The following ARID4B variants were observed in gnomAD, a reference collection of about 807,000 sequenced individuals.
ARID4B encodes the protein AT-rich interaction domain 4B.
In ARID4B, 26 loss-of-function variants were observed where a neutral mutation model predicts 147.5. That is an observed-to-expected ratio of 0.18 (90% CI 0.13 to 0.24). The LOEUF (loss-of-function observed/expected upper bound fraction) is 0.24, where lower values mean the gene tolerates loss of function less well. Among genes scored for constraint, ARID4B ranks in the 10% least tolerant of loss-of-function variants. The pLI is 1.00. For missense variants in ARID4B, 1,179 were observed against 1,511.5 expected (o/e 0.78, Z 3.65); for synonymous variants, 512 against 507.9 (o/e 1.01, Z -0.11).
chr1:235,326,484 T>C (rs1246899277), intron 2 of ARID4B, among the ~76,000 whole-genome samples: 1 of 152,218 alleles, frequency 6.6e-6, no homozygotes, highest in Non-Finnish European at 1.5e-5. Flanking sequence ...TTAAATTATT[T>C]TTGTGACGAG....
chr1:235,235,940 TTTTTC>T (rs1294338595), intron 8 of ARID4B, among the ~76,000 whole-genome samples: 2 of 149,824 alleles, frequency 1.3e-5, no homozygotes, highest in Admixed American at 6.6e-5. Flanking sequence ...TTCCTTTTTC[TTTTTC>T]TTTTTTTTTT....
At chr1:235,312,361 A>G (rs1185054863) in intron 2 of ARID4B, among the ~76,000 whole-genome samples, 1 of 152,180 alleles carries the variant, frequency 6.6e-6, no homozygotes, top group Non-Finnish European at 1.5e-5. Flanking sequence ...AACATAACAA[A>G]ATAAATACTC....
At chr1:235,227,764 T>C (rs1667918597) in intron 11 of ARID4B, among the ~76,000 whole-genome samples, 1 of 151,966 alleles carries the variant, frequency 6.6e-6, no homozygotes, top group Non-Finnish European at 1.5e-5. Flanking sequence ...TATCTACCCA[T>C]TTGTCTTAGA....
intron 2 of ARID4B, among the ~76,000 whole-genome samples, chr1:235,325,138 A>G (rs1675131315): frequency 6.6e-6 from 1 of 152,182 alleles, no homozygotes; most frequent in African/African-American, 2.4e-5. Flanking sequence ...GATTTGCTAT[A>G]CTTATAATAA....
chr1:235,219,978 G>A lies in ARID4B; in HGVS notation c.1408-10C>T. The stretch of plus-strand genomic sequence containing the variant: ...AATTCTTTTTACTTCCCTAGAAAAA[G>A]ATCAGAGGAAAGAAACCAACAAAAG... On this transcript the variant is annotated splice_polypyrimidine_tract_variant and intron_variant, in intron 15 of 23. Coordinates refer to ENST00000264183, the MANE Select transcript of ARID4B (RefSeq NM_016374.6). The A allele has an allele frequency of 6.6e-7, 1 of 1,513,318 alleles. No homozygotes were observed. The highest frequency in any genetic ancestry group is 8.8e-7 in the Non-Finnish European group (1 of 1,130,742). 93.7% of individuals were successfully genotyped at this position (1,513,318 alleles called of 1,614,324 possible).
At chr1:235,295,091 G>T (rs1672597601) in intron 2 of ARID4B, among the ~76,000 whole-genome samples, 1 of 151,796 alleles carries the variant, frequency 6.6e-6, no homozygotes. Context: ...ACAGCCTAAG[G>T]ATGTAAATAG....
intron 8 of ARID4B, among the ~76,000 whole-genome samples, chr1:235,238,725 C>T (rs970905143): frequency 6.6e-6 from 1 of 152,004 alleles, no homozygotes; most frequent in East Asian, 1.9e-4. Flanking sequence ...ATGTGGTGGT[C>T]TCCACCTGTA....
chr1:235,209,543 A>C, intron 17 of ARID4B, among the ~76,000 whole-genome samples: 1 of 147,876 alleles, frequency 6.8e-6, no homozygotes, highest in African/African-American at 2.6e-5. Flanking sequence ...TTAACAAGAA[A>C]ATTGATTTTT....
chr1:235,237,894 T>TA (rs1396338377), intron 8 of ARID4B, among the ~76,000 whole-genome samples: 7 of 152,130 alleles, frequency 4.6e-5, no homozygotes, highest in Non-Finnish European at 1.0e-4. Context: ...CTCATGCCTG[T>TA]AATCCCAACA....
intron 17 of ARID4B, among the ~76,000 whole-genome samples, chr1:235,196,329 G>A (rs1156313767): frequency 1.3e-5 from 2 of 152,166 alleles, no homozygotes; most frequent in Non-Finnish European, 2.9e-5. Flanking sequence ...GCTACTGGCC[G>A]AGCCAAGACT....
chr1:235,202,230 T>C (rs1261473564), intron 17 of ARID4B, among the ~76,000 whole-genome samples: 2 of 151,828 alleles, frequency 1.3e-5, no homozygotes, highest in Admixed American at 6.6e-5. Flanking sequence ...ACAAAAAGTA[T>C]TGAAACAAAT....
At chr1:235,308,774 G>C (rs1399544964) in intron 2 of ARID4B, among the ~76,000 whole-genome samples, 1 of 152,202 alleles carries the variant, frequency 6.6e-6, no homozygotes, top group Non-Finnish European at 1.5e-5. Flanking sequence ...GGTTCACTCA[G>C]TGCTCAATGG....
chr1:235,253,410 C>A (rs556061931), intron 5 of ARID4B, among the ~76,000 whole-genome samples: 3 of 152,264 alleles, frequency 2.0e-5, no homozygotes, highest in Non-Finnish European at 2.9e-5. Flanking sequence ...CCTAAAATGT[C>A]TCCAGCTCCA....
At chr1:235,180,825 A>C (rs1336874961) in intron 20 of ARID4B, 1 of 153,104 alleles carries the variant, frequency 6.5e-6, no homozygotes, top group East Asian at 1.9e-4. Context: ...GCCAGGTGTC[A>C]GCCTAGAGTA....
At chr1:235,279,722 G>T (rs1158645418) in intron 2 of ARID4B, among the ~76,000 whole-genome samples, 1 of 152,160 alleles carries the variant, frequency 6.6e-6, no homozygotes, top group Non-Finnish European at 1.5e-5. Flanking sequence ...TGGTAAGAGT[G>T]GGTGGTTGTG....
chr1:235,241,089 AG>A (rs1668951461), intron 7 of ARID4B, among the ~76,000 whole-genome samples: 1 of 152,244 alleles, frequency 6.6e-6, no homozygotes, highest in African/African-American at 2.4e-5. Context: ...AACTGTCAGA[AG>A]AAAAAGGAAG....
chr1:235,274,294 G>A (rs959021512), intron 2 of ARID4B, among the ~76,000 whole-genome samples: 2 of 152,056 alleles, frequency 1.3e-5, no homozygotes, highest in African/African-American at 4.8e-5. Flanking sequence ...AGAATCACTT[G>A]AGCCCGGGAG....
chr1:235,198,965 G>A (rs1453691351), intron 17 of ARID4B, among the ~76,000 whole-genome samples: 1 of 152,174 alleles, frequency 6.6e-6, no homozygotes, highest in Admixed American at 6.5e-5. Flanking sequence ...CAGGCATGAT[G>A]GCGCATGCCT....
Position 235,217,992 on chromosome 1 carries a change from G to A in ARID4B, c.1583+1801C>T, listed in dbSNP as rs565065892. ...AATTTATTAATAAGGCACAGCATGA[G>A]ATAAGCAATGACTAATAACAAAGCA... On this transcript the variant is annotated intron_variant, in intron 16 of 23. Coordinates refer to ENST00000264183, the MANE Select transcript of ARID4B (RefSeq NM_016374.6). Among the ~76,000 whole-genome samples the A allele has an allele frequency of 5.9e-5, 9 of 152,202 alleles. No individual in the cohort carries two copies. In the South Asian group the frequency reaches 1.9e-3, roughly 32 times the overall value.
Sources: allele counts gnomAD v4.1 joint callset (sites outside exome capture counted in the v4.1 genomes callset), GRCh38; gene constraint gnomAD v4.1.1; transcripts MANE v1.5; gene names NCBI Gene and HGNC (gene_info 2026-07-23, HGNC 2026-07-21).